Variants in KCNN2 observed in about 807,000 individuals in gnomAD.
KCNN2 encodes small conductance calcium-activated potassium channel protein 2.
A neutral mutation model predicts 55.5 loss-of-function variants in KCNN2; 24 were observed. That is an observed-to-expected ratio of 0.43 (90% CI 0.31 to 0.61). The LOEUF (loss-of-function observed/expected upper bound fraction) is 0.61. KCNN2 is among the 20% of genes least tolerant of loss of function. The pLI is 0.08. For missense variants in KCNN2, 754 were observed against 853.6 expected (o/e 0.88, Z 1.45); for synonymous variants, 431 against 336.1 (o/e 1.28, Z -3.09).
intron 2 of KCNN2, among the ~76,000 whole-genome samples, chr5:114,257,533 C>T (rs1755009209): frequency 6.6e-6 from 1 of 151,994 alleles, no homozygotes; most frequent in African/African-American, 2.4e-5. Flanking sequence ...TGTCTTTCCT[C>T]AGTGTTTTGT....
At chr5:114,138,374 T>C (rs976564406) in intron 1 of KCNN2, among the ~76,000 whole-genome samples, 1 of 152,180 alleles carries the variant, frequency 6.6e-6, no homozygotes, top group Admixed American at 6.6e-5. Context: ...AGCCCTGTGC[T>C]TGATACCTAG....
At chr5:114,415,917 A>G (rs1338028069) in intron 3 of KCNN2, among the ~76,000 whole-genome samples, 1 of 152,166 alleles carries the variant, frequency 6.6e-6, no homozygotes, top group Non-Finnish European at 1.5e-5. Flanking sequence ...TCCCAAAGCC[A>G]TGCAGGAAAA....
At chr5:114,251,880 C>CT (rs200692821) in intron 2 of KCNN2, among the ~76,000 whole-genome samples, 15,541 of 133,214 alleles carry the variant, frequency 0.12, 1,132 homozygotes, top group South Asian at 0.24. Context: ...TTTTCTTTTT[C>CT]TTTTTTTTTT....
chr5:114,331,344 C>G (rs1756818602), intron 2 of KCNN2, among the ~76,000 whole-genome samples: 1 of 152,162 alleles, frequency 6.6e-6, no homozygotes, highest in African/African-American at 2.4e-5. Flanking sequence ...TATGAAAGTT[C>G]TGTTTTCCCC....
At chr5:114,145,261 T>C (rs1311649260) in intron 1 of KCNN2, among the ~76,000 whole-genome samples, 1 of 152,238 alleles carries the variant, frequency 6.6e-6, no homozygotes, top group Non-Finnish European at 1.5e-5. Flanking sequence ...TCATTAGTAA[T>C]ATGACCTTTA....
At chr5:114,449,079 A>C (rs1273257571) in intron 3 of KCNN2, among the ~76,000 whole-genome samples, 1 of 152,150 alleles carries the variant, frequency 6.6e-6, no homozygotes, top group Non-Finnish European at 1.5e-5. Flanking sequence ...AATGGCACAG[A>C]ACGATCGTGA....
intron 1 of KCNN2, among the ~76,000 whole-genome samples, chr5:114,211,030 A>T (rs1215125411): frequency 1.3e-5 from 2 of 152,192 alleles, no homozygotes; most frequent in Admixed American, 6.6e-5. Context: ...CACACCAGTC[A>T]GAATGGCATT....
At chr5:114,111,397 A>G (rs1018774251) in intron 1 of KCNN2, among the ~76,000 whole-genome samples, 1 of 152,188 alleles carries the variant, frequency 6.6e-6, no homozygotes, top group African/African-American at 2.4e-5. Context: ...AACCTAGGCA[A>G]TCCCATTCAG....
intron 1 of KCNN2, among the ~76,000 whole-genome samples, chr5:114,076,483 CTCT>C (rs1750687566): frequency 6.6e-6 from 1 of 152,164 alleles, no homozygotes; most frequent in African/African-American, 2.4e-5. Context: ...TGTATTTCAA[CTCT>C]TCATTTTATA....
At chr5:114,271,790 TG>T (rs1294245968) in intron 2 of KCNN2, among the ~76,000 whole-genome samples, 2 of 152,208 alleles carry the variant, frequency 1.3e-5, no homozygotes, top group African/African-American at 4.8e-5. Context: ...CTTGGGCTTC[TG>T]AATCTGGCTG....
intron 3 of KCNN2, among the ~76,000 whole-genome samples, chr5:114,450,063 T>C (rs1319424614): frequency 6.6e-6 from 1 of 152,140 alleles, no homozygotes; most frequent in Non-Finnish European, 1.5e-5. Flanking sequence ...GATAAACTGG[T>C]GTGGCACTGC....
chr5:114,479,136 G>A (rs578051889), intron 5 of KCNN2, among the ~76,000 whole-genome samples: 1 of 151,862 alleles, frequency 6.6e-6, no homozygotes, highest in Non-Finnish European at 1.5e-5. Context: ...CCATCAGTGT[G>A]CTGTCTTCAA....
In KCNN2 at chr5:114,394,154, C is replaced by T. The variant is rs186643348; in HGVS notation, c.1219-10284C>T. ...CGTGAGTACTGTTTCCTCATACATT[C>T]AATGGTATTAACATGTAATAAAACT... On this transcript the variant is annotated intron_variant, in intron 2 of 7. Coordinates refer to ENST00000673685, the MANE Select transcript of KCNN2 (RefSeq NM_021614.4). Among the ~76,000 whole-genome samples the T allele has an allele frequency of 5.3e-4, 81 of 152,216 alleles. 1 individual carries two copies. The highest frequency in any genetic ancestry group is 1.0e-3 in the Non-Finnish European group (70 of 67,980).
chr5:114,162,950 C>T (rs917092086), intron 1 of KCNN2, among the ~76,000 whole-genome samples: 7 of 152,174 alleles, frequency 4.6e-5, no homozygotes, highest in African/African-American at 1.2e-4. Flanking sequence ...TTGCACTTCC[C>T]GGGTGAGGCG....
intron 2 of KCNN2, among the ~76,000 whole-genome samples, chr5:114,372,111 T>C (rs1757775887): frequency 6.6e-6 from 1 of 152,206 alleles, no homozygotes. Context: ...GAAAATCCTG[T>C]GTGTGGATGA....
At chr5:114,317,532 T>A (rs1306910331) in intron 2 of KCNN2, among the ~76,000 whole-genome samples, 1 of 152,222 alleles carries the variant, frequency 6.6e-6, no homozygotes, top group East Asian at 1.9e-4. Flanking sequence ...ATCTGTTTTA[T>A]CTGGAAATTA....
At chr5:114,309,104 A>G (rs1411718930) in intron 2 of KCNN2, among the ~76,000 whole-genome samples, 2 of 152,166 alleles carry the variant, frequency 1.3e-5, no homozygotes, top group African/African-American at 4.8e-5. Context: ...ATCACTAGTG[A>G]ACTAGCTGCA....
At chr5:114,340,040 C>G (rs1195722259) in intron 2 of KCNN2, among the ~76,000 whole-genome samples, 2 of 152,106 alleles carry the variant, frequency 1.3e-5, no homozygotes, top group Non-Finnish European at 2.9e-5. Context: ...TGACTCAAGT[C>G]AGGATTTGAA....
At chr5:114,096,036 A>T (rs1751248928) in intron 1 of KCNN2, among the ~76,000 whole-genome samples, 1 of 152,136 alleles carries the variant, frequency 6.6e-6, no homozygotes, top group South Asian at 2.1e-4. Flanking sequence ...CATACCTTGA[A>T]GTCCCCTGGG....
Sources: allele counts gnomAD v4.1 joint callset (sites outside exome capture counted in the v4.1 genomes callset), GRCh38; gene constraint gnomAD v4.1.1; transcripts MANE v1.5; gene names NCBI Gene and HGNC (gene_info 2026-07-23, HGNC 2026-07-21).